Variants in PCDH9 observed in about 807,000 individuals in gnomAD.
The protein encoded by PCDH9 is protocadherin 9, also known as protocadherin-9.
Under a neutral mutation model 70.6 loss-of-function variants are expected in PCDH9, and 24 were observed. The observed-to-expected ratio is 0.34, with a 90% CI of 0.25 to 0.48. The LOEUF (loss-of-function observed/expected upper bound fraction) is 0.48, where lower values mean the gene tolerates loss of function less well. Among genes scored for constraint, PCDH9 ranks in the 20% least tolerant of loss-of-function variants. The pLI, the probability that PCDH9 is intolerant of heterozygous loss-of-function variation, is 0.99. For synonymous variants in PCDH9, 562 were observed against 558.5 expected (o/e 1.01, Z -0.09); for missense variants, 1,281 against 1,503.6 (o/e 0.85, Z 2.45).
intron 4 of PCDH9, among the ~76,000 whole-genome samples, chr13:66,461,518 A>C (rs1958424998): frequency 6.6e-6 from 1 of 151,696 alleles, no homozygotes; most frequent in African/African-American, 2.4e-5. Flanking sequence ...AATCCATTAA[A>C]AAAAAACTGT....
chr13:66,760,878 T>TGG, intron 3 of PCDH9, among the ~76,000 whole-genome samples: 1 of 152,126 alleles, frequency 6.6e-6, no homozygotes, highest in African/African-American at 2.4e-5. Flanking sequence ...GGATGAAATA[T>TGG]GCCCTGGTCT....
intron 4 of PCDH9, among the ~76,000 whole-genome samples, chr13:66,333,758 A>C (rs1444721801): frequency 6.6e-6 from 1 of 152,156 alleles, no homozygotes; most frequent in Non-Finnish European, 1.5e-5. Context: ...TATTACTAAC[A>C]GAATGATTTA....
At chr13:67,028,394 A>T (rs2139877956) in intron 2 of PCDH9, among the ~76,000 whole-genome samples, 1 of 121,036 alleles carries the variant, frequency 8.3e-6, no homozygotes, top group South Asian at 3.0e-4. Flanking sequence ...CAGGAAGGGG[A>T]ACATCACACT....
At chr13:66,700,005 T>C (rs2078616336) in intron 3 of PCDH9, among the ~76,000 whole-genome samples, 1 of 152,118 alleles carries the variant, frequency 6.6e-6, no homozygotes, top group Non-Finnish European at 1.5e-5. Context: ...TACAATATTA[T>C]CTGTAACTGT....
intron 2 of PCDH9, among the ~76,000 whole-genome samples, chr13:67,159,477 G>A (rs562237346): frequency 9.2e-4 from 140 of 152,238 alleles, no homozygotes; most frequent in African/African-American, 3.3e-3. Flanking sequence ...GAAATGGAAT[G>A]GAATTTACAA....
chr13:66,681,319 A>G (rs1226469594), intron 3 of PCDH9, among the ~76,000 whole-genome samples: 1 of 152,144 alleles, frequency 6.6e-6, no homozygotes, highest in African/African-American at 2.4e-5. Context: ...TCATTAGTTC[A>G]TAGAAGAAAA....
chr13:66,681,546 C>T (rs1293187371), intron 3 of PCDH9, among the ~76,000 whole-genome samples: 1 of 152,042 alleles, frequency 6.6e-6, no homozygotes, highest in East Asian at 1.9e-4. Context: ...AGTCTCCCCA[C>T]ATTCCCCTGG....
intron 3 of PCDH9, among the ~76,000 whole-genome samples, chr13:66,774,576 T>C (rs950831245): frequency 4.6e-5 from 7 of 152,310 alleles, no homozygotes; most frequent in African/African-American, 1.7e-4. Context: ...TTAGTCCTAC[T>C]TTTTCTATAA....
chr13:66,976,840 C>G, intron 2 of PCDH9, among the ~76,000 whole-genome samples: 1 of 151,992 alleles, frequency 6.6e-6, no homozygotes, highest in East Asian at 1.9e-4. Context: ...TTTATTTTAC[C>G]TTTGTTTTTA....
chr13:66,579,738 CAGT>C (rs1319635700), intron 4 of PCDH9, among the ~76,000 whole-genome samples: 2 of 151,888 alleles, frequency 1.3e-5, no homozygotes, highest in Admixed American at 1.3e-4. Flanking sequence ...GTCAGGCACA[CAGT>C]AGGCTCTTAA....
intron 2 of PCDH9, chr13:67,224,734 T>C: frequency 4.2e-6 from 3 of 719,312 alleles, no homozygotes; most frequent in Non-Finnish European, 5.1e-6. Context: ...AGCATTCTTT[T>C]TTTTTTTTTT....
chr13:66,758,014 T>A (rs2079562776), intron 3 of PCDH9, among the ~76,000 whole-genome samples: 1 of 152,050 alleles, frequency 6.6e-6, no homozygotes, highest in African/African-American at 2.4e-5. Context: ...TCCAACATTA[T>A]CATATGTTAT....
At chr13:66,797,449 G>A (rs949581940) in intron 3 of PCDH9, among the ~76,000 whole-genome samples, 3 of 152,026 alleles carry the variant, frequency 2.0e-5, no homozygotes, top group Admixed American at 2.0e-4. Context: ...TCTGCTTTAC[G>A]GTTATTAGAG....
At chr13:66,591,356 A>T (rs1478903989) in intron 4 of PCDH9, among the ~76,000 whole-genome samples, 1 of 151,554 alleles carries the variant, frequency 6.6e-6, no homozygotes, top group Non-Finnish European at 1.5e-5. Context: ...TCAAATCTGG[A>T]TTTTTCTAAT....
chr13:66,745,367 C>T (rs1374884446), intron 3 of PCDH9, among the ~76,000 whole-genome samples: 3 of 152,140 alleles, frequency 2.0e-5, no homozygotes, highest in African/African-American at 2.4e-5. Flanking sequence ...ATAGGGCAGA[C>T]GAGTGCCATC....
At chr13:66,313,472 T>C (rs555631855) in intron 4 of PCDH9, among the ~76,000 whole-genome samples, 1 of 152,218 alleles carries the variant, frequency 6.6e-6, no homozygotes, top group Non-Finnish European at 1.5e-5. Flanking sequence ...GTAATAATAC[T>C]TTAGAGATTA....
chr13:67,164,838 C>T (rs2088065502), intron 2 of PCDH9, among the ~76,000 whole-genome samples: 1 of 152,150 alleles, frequency 6.6e-6, no homozygotes, highest in Non-Finnish European at 1.5e-5. Flanking sequence ...CATACAGGAA[C>T]TTCTGCATCC....
intron 2 of PCDH9, among the ~76,000 whole-genome samples, chr13:66,944,716 A>G (rs918037076): frequency 6.6e-6 from 1 of 152,132 alleles, no homozygotes; most frequent in African/African-American, 2.4e-5. Flanking sequence ...GAGGTTGTGC[A>G]CACAGCTCTG....
intron 2 of PCDH9, among the ~76,000 whole-genome samples, chr13:66,968,519 G>A (rs1389948673): frequency 2.0e-5 from 3 of 151,846 alleles, no homozygotes; most frequent in African/African-American, 4.8e-5. Context: ...TTCTTTTATT[G>A]GTTTCTTGTA....
Sources: allele counts gnomAD v4.1 joint callset (sites outside exome capture counted in the v4.1 genomes callset), GRCh38; gene constraint gnomAD v4.1.1; transcripts MANE v1.5; gene names NCBI Gene and HGNC (gene_info 2026-07-23, HGNC 2026-07-21).